RSU1: variants seen among roughly 807,000 people sequenced by gnomAD.
The protein encoded by RSU1 is Ras suppressor protein 1, also known as rsu-1.
Under a neutral mutation model 31.1 loss-of-function variants are expected in RSU1, and 26 were observed. That is an observed-to-expected ratio of 0.84 (90% CI 0.61 to 1.16). The LOEUF (loss-of-function observed/expected upper bound fraction) is 1.16. Ranked by LOEUF, RSU1 falls within the 50% of genes most tolerant of loss-of-function variation. RSU1 has a pLI of 0.00. For synonymous variants in RSU1, 164 were observed against 136.3 expected (o/e 1.20, Z -1.41); for missense variants, 320 against 339.1 (o/e 0.94, Z 0.44).
At chr10:16,694,253 T>G (rs1466315209) in intron 8 of RSU1, among the ~76,000 whole-genome samples, 1 of 152,218 alleles carries the variant, frequency 6.6e-6, no homozygotes, top group Non-Finnish European at 1.5e-5. Flanking sequence ...CCGCTTCCTC[T>G]CCTGCCTTCC....
At chr10:16,810,313 T>C (rs1338024666) in intron 2 of RSU1, among the ~76,000 whole-genome samples, 1 of 152,166 alleles carries the variant, frequency 6.6e-6, no homozygotes, top group Non-Finnish European at 1.5e-5. Context: ...ATGCCTATCA[T>C]AAAAAAATAC....
At chr10:16,709,265 G>A (rs571792053) in intron 7 of RSU1, among the ~76,000 whole-genome samples, 9 of 151,874 alleles carry the variant, frequency 5.9e-5, no homozygotes, top group South Asian at 4.2e-4. Flanking sequence ...TTGTCCTTGC[G>A]ATAGTTTACT....
intron 4 of RSU1, among the ~76,000 whole-genome samples, chr10:16,756,200 G>A (rs993743861): frequency 3.3e-5 from 5 of 152,092 alleles, no homozygotes; most frequent in African/African-American, 1.2e-4. Flanking sequence ...GGAATGGAGA[G>A]GTGTGGTTTA....
chr10:16,764,172 CCAA>C (rs1837264974), intron 4 of RSU1, among the ~76,000 whole-genome samples: 1 of 152,092 alleles, frequency 6.6e-6, no homozygotes, highest in Admixed American at 6.6e-5. Context: ...CCTTATTGCG[CCAA>C]CAATTAGCCT....
At chr10:16,623,870 C>A (rs1445834452) in intron 8 of RSU1, among the ~76,000 whole-genome samples, 1 of 152,116 alleles carries the variant, frequency 6.6e-6, no homozygotes, top group Non-Finnish European at 1.5e-5. Flanking sequence ...AACTAGAATT[C>A]AGTGGATATT....
chr10:16,711,750 T>C (rs886974891), intron 7 of RSU1, among the ~76,000 whole-genome samples: 7 of 152,212 alleles, frequency 4.6e-5, no homozygotes, highest in African/African-American at 1.7e-4. Flanking sequence ...TTAGAAAAGA[T>C]ACTTGATAGG....
intron 8 of RSU1, among the ~76,000 whole-genome samples, chr10:16,637,600 C>G (rs1445749883): frequency 6.6e-6 from 1 of 151,642 alleles, no homozygotes; most frequent in African/African-American, 2.4e-5. Flanking sequence ...TAGTTTTGTT[C>G]TTTTAGTAAA....
intron 3 of RSU1, among the ~76,000 whole-genome samples, chr10:16,779,845 GC>G (rs1423351526): frequency 6.6e-6 from 1 of 152,176 alleles, no homozygotes; most frequent in African/African-American, 2.4e-5. Flanking sequence ...TCATTTAAAT[GC>G]CAGAAAAATA....
intron 2 of RSU1, among the ~76,000 whole-genome samples, chr10:16,794,511 T>C (rs1837986590): frequency 6.6e-6 from 1 of 152,246 alleles, no homozygotes; most frequent in Admixed American, 6.5e-5. Flanking sequence ...ATTTTATTTG[T>C]GTAACACAAA....
intron 8 of RSU1, among the ~76,000 whole-genome samples, chr10:16,678,258 T>G (rs1835268750): frequency 6.6e-6 from 1 of 152,224 alleles, no homozygotes. Context: ...TCTTTTCTCA[T>G]TTGATTCTCA....
In RSU1 at chr10:16,685,185, G is replaced by T. The variant is rs1297298333; in HGVS notation, c.731+9838C>A. On this transcript the variant is annotated intron_variant, in intron 8 of 8. Transcript: ENST00000345264. ...GAATCGCTTGAACCTGGGAGGCAAA[G>T]GTTGCAGTGAGCCGAGATCGCACCA... 2.0e-5 allele frequency among the ~76,000 whole-genome samples: 3 copies of T among 152,320 alleles called. No homozygotes were observed. The East Asian group carries it at 5.8e-4, about 29-fold the overall frequency.
intron 7 of RSU1, among the ~76,000 whole-genome samples, chr10:16,750,917 G>A (rs770020955): frequency 1.1e-4 from 17 of 149,930 alleles, no homozygotes; most frequent in Non-Finnish European, 2.4e-4. Context: ...CCAGCCAGGA[G>A]TGCAGTGGCA....
chr10:16,633,764 C>G (rs1319619583), intron 8 of RSU1, among the ~76,000 whole-genome samples: 1 of 152,152 alleles, frequency 6.6e-6, no homozygotes, highest in East Asian at 1.9e-4. Flanking sequence ...GTGTACTTTT[C>G]AATGCTCACA....
chr10:16,719,207 C>G (rs536796095), intron 7 of RSU1, among the ~76,000 whole-genome samples: 1 of 152,152 alleles, frequency 6.6e-6, no homozygotes, highest in Admixed American at 6.5e-5. Context: ...ACTCAGGAGG[C>G]TGAGGCAAGA....
intron 8 of RSU1, among the ~76,000 whole-genome samples, chr10:16,666,765 A>C (rs1834996648): frequency 6.6e-6 from 1 of 152,084 alleles, no homozygotes; most frequent in Non-Finnish European, 1.5e-5. Context: ...AGGTGGGTGG[A>C]TTACTTGAGG....
chr10:16,749,950 G>A (rs189242735), intron 7 of RSU1, among the ~76,000 whole-genome samples: 11 of 152,292 alleles, frequency 7.2e-5, no homozygotes, highest in Admixed American at 3.9e-4. Flanking sequence ...GGACCCAGAG[G>A]AGGGACTGTC....
chr10:16,640,268 T>G (rs1834417876), intron 8 of RSU1, among the ~76,000 whole-genome samples: 1 of 152,120 alleles, frequency 6.6e-6, no homozygotes, highest in Admixed American at 6.5e-5. Context: ...AAACAACCCT[T>G]GATATTTCAC....
intron 8 of RSU1, among the ~76,000 whole-genome samples, chr10:16,692,550 C>A (rs537217459): frequency 6.6e-6 from 1 of 152,052 alleles, no homozygotes; most frequent in Non-Finnish European, 1.5e-5. Context: ...AGATACCATA[C>A]AAACCAAGCT....
intron 8 of RSU1, among the ~76,000 whole-genome samples, chr10:16,620,844 CAAAA>C (rs11354712): frequency 7.6e-6 from 1 of 130,880 alleles, no homozygotes; most frequent in African/African-American, 2.6e-5. Flanking sequence ...GACTCCATCT[CAAAA>C]AAAAAAAAAA....
Sources: gnomAD v4.1 joint callset for allele counts (sites outside exome capture counted in the v4.1 genomes callset) on GRCh38, gnomAD v4.1.1 for gene constraint, MANE v1.5 for transcripts, NCBI Gene and HGNC (gene_info 2026-07-23, HGNC 2026-07-21) for gene names.